The following WDPCP variants were observed in gnomAD, a reference collection of about 807,000 sequenced individuals.
WDPCP encodes the protein WD repeat-containing and planar cell polarity effector protein fritz homolog.
WDPCP carries 71 observed loss-of-function variants against 93.1 expected under a neutral mutation model. The ratio of observed to expected loss-of-function variants is 0.76; its 90% CI spans 0.63 to 0.93. The LOEUF is 0.93. WDPCP is among the 40% of genes least tolerant of loss of function. The pLI, the probability that WDPCP is intolerant of heterozygous loss-of-function variation, is 0.00. For synonymous variants in WDPCP, 315 were observed against 315.0 expected (o/e 1.00, Z 0.00); for missense variants, 844 against 887.4 (o/e 0.95, Z 0.62).
chr2:63,643,248 A>T (rs188165241), intron 3 of WDPCP: 1 of 277,068 alleles, frequency 3.6e-6, no homozygotes, highest in East Asian at 9.1e-5. Context: ...GCTTTCTAAC[A>T]TGTCTCTAGA....
intron 2 of WDPCP, among the ~76,000 whole-genome samples, chr2:63,667,144 G>C (rs554698105): frequency 1.1e-4 from 17 of 152,310 alleles, no homozygotes; most frequent in African/African-American, 4.1e-4. Context: ...TTTATGTCAA[G>C]TATATGCCAA....
At chr2:63,199,740 GC>G (rs527241684) in intron 14 of WDPCP, among the ~76,000 whole-genome samples, 44 of 152,298 alleles carry the variant, frequency 2.9e-4, no homozygotes, top group African/African-American at 7.9e-4. Context: ...GGGGTTGGAG[GC>G]CCCCCAACCG....
chr2:63,235,421 A>T (rs963517825), intron 14 of WDPCP, among the ~76,000 whole-genome samples: 2 of 152,214 alleles, frequency 1.3e-5, no homozygotes, highest in Admixed American at 1.3e-4. Context: ...CCAGATGTAC[A>T]AAGAAGAACT....
intron 12 of WDPCP, among the ~76,000 whole-genome samples, chr2:63,338,259 T>G (rs958967271): frequency 4.6e-5 from 7 of 152,052 alleles, no homozygotes; most frequent in Non-Finnish European, 1.5e-5. Context: ...AAGACTCTCC[T>G]AGGGCCAGGC....
At chr2:63,839,012 G>T in the WDPCP span, among the ~76,000 whole-genome samples, 1 of 152,178 alleles carries the variant, frequency 6.6e-6, no homozygotes, top group Non-Finnish European at 1.5e-5. Flanking sequence ...ACTTCTCTAA[G>T]AACTAGTGAC....
chr2:63,669,415 A>G (rs1206447212), intron 2 of WDPCP, among the ~76,000 whole-genome samples: 2 of 150,750 alleles, frequency 1.3e-5, no homozygotes, highest in Non-Finnish European at 2.9e-5. Context: ...GCTGGAGTGC[A>G]GTGGTGCAAT....
chr2:63,251,564 T>C (rs1237707179), intron 14 of WDPCP, among the ~76,000 whole-genome samples: 1 of 145,352 alleles, frequency 6.9e-6, no homozygotes. Flanking sequence ...TGATCTCGGC[T>C]CACTGCAATC....
intron 15 of WDPCP, chr2:63,168,458 A>G (rs1673154613): frequency 6.6e-6 from 1 of 152,128 alleles, no homozygotes; most frequent in Admixed American, 6.6e-5. Context: ...ATCTTGCTTT[A>G]TGAGCAAATT....
intron 6 of WDPCP, among the ~76,000 whole-genome samples, chr2:63,465,695 T>G (rs1245623301): frequency 2.0e-5 from 3 of 152,326 alleles, no homozygotes; most frequent in Admixed American, 1.3e-4. Flanking sequence ...TTGTGTGTAC[T>G]AACAGAAGAC....
chr2:63,628,324 T>C (rs1487457489), intron 3 of WDPCP, among the ~76,000 whole-genome samples: 10 of 152,186 alleles, frequency 6.6e-5, no homozygotes, highest in East Asian at 3.8e-4. Context: ...AAAATGAATA[T>C]CATAAAGATA....
At chr2:63,390,769 C>A (rs1693172017) in intron 10 of WDPCP, among the ~76,000 whole-genome samples, 1 of 152,166 alleles carries the variant, frequency 6.6e-6, no homozygotes, top group Non-Finnish European at 1.5e-5. Flanking sequence ...CACCTCTATG[C>A]AAATAAACTA....
At chr2:63,655,706 T>C (rs1460942561) in intron 2 of WDPCP, among the ~76,000 whole-genome samples, 1 of 152,218 alleles carries the variant, frequency 6.6e-6, no homozygotes, top group Non-Finnish European at 1.5e-5. Flanking sequence ...AATCTATATA[T>C]GTCCTTGTTT....
chr2:63,400,037 T>C (rs1694025834), intron 10 of WDPCP, among the ~76,000 whole-genome samples: 1 of 152,060 alleles, frequency 6.6e-6, no homozygotes, highest in Non-Finnish European at 1.5e-5. Context: ...CTTTGTACCA[T>C]AGAGCCAAAT....
chr2:63,749,758 T>C (rs773880333), intron 2 of WDPCP, among the ~76,000 whole-genome samples: 5 of 152,144 alleles, frequency 3.3e-5, no homozygotes, highest in African/African-American at 4.8e-5. Context: ...CTGTAGTTCA[T>C]TGATGCTTTT....
intron 1 of WDPCP, among the ~76,000 whole-genome samples, chr2:63,512,496 G>A (rs1036724461): frequency 4.4e-4 from 67 of 152,118 alleles, no homozygotes; most frequent in Non-Finnish European, 1.5e-4. Context: ...CAACACAAAT[G>A]CCCATCAATG....
At chr2:63,212,285 A>G (rs1056057005) in intron 14 of WDPCP, among the ~76,000 whole-genome samples, 4 of 152,220 alleles carry the variant, frequency 2.6e-5, no homozygotes, top group Non-Finnish European at 4.4e-5. Context: ...GAAACTCTAC[A>G]AGCCAGAAGA....
chr2:63,341,939 G>A (rs1003791279), intron 12 of WDPCP, among the ~76,000 whole-genome samples: 7 of 152,080 alleles, frequency 4.6e-5, no homozygotes, highest in African/African-American at 1.4e-4. Context: ...TATAAAGTGA[G>A]TCACTTCTAG....
chr2:63,680,514 G>C (rs1228015817), intron 2 of WDPCP, among the ~76,000 whole-genome samples: 1 of 152,216 alleles, frequency 6.6e-6, no homozygotes, highest in Non-Finnish European at 1.5e-5. Context: ...GCCCTGGCCA[G>C]AAGGGAATCA....
chr2:63,816,422 G>A (rs947896746), intron 1 of WDPCP, among the ~76,000 whole-genome samples: 2 of 152,126 alleles, frequency 1.3e-5, no homozygotes, highest in Non-Finnish European at 2.9e-5. Flanking sequence ...TGAAATTAAG[G>A]ATCTTGAGAT....
Sources: allele counts gnomAD v4.1 joint callset (sites outside exome capture counted in the v4.1 genomes callset), GRCh38; gene constraint gnomAD v4.1.1; transcripts MANE v1.5; gene names NCBI Gene and HGNC (gene_info 2026-07-23, HGNC 2026-07-21).